DNAH1: variants seen among roughly 807,000 people sequenced by gnomAD.
DNAH1 encodes dynein axonemal heavy chain 1.
In DNAH1, 327 loss-of-function variants were observed where a neutral mutation model predicts 484.3. The ratio of observed to expected loss-of-function variants is 0.68; its 90% confidence interval spans 0.62 to 0.74. DNAH1 has a LOEUF of 0.74. Among genes scored for constraint, DNAH1 ranks in the 30% least tolerant of loss-of-function variants. The probability of loss-of-function intolerance (pLI) is 0.00; values close to 1 mark genes in which losing one functional copy is unlikely to be tolerated. For missense variants in DNAH1, 5,052 were observed against 5,546.8 expected, an observed-to-expected ratio of 0.91 and a Z score of 2.83; for synonymous variants, 2,192 against 2,191.9, an observed-to-expected ratio of 1.00 and a Z score of 0.00.
chr3:52,331,677 T>G (rs1163601281), intron 7 of DNAH1, among the ~76,000 whole-genome samples: 1 of 144,356 alleles, frequency 6.9e-6, no homozygotes, highest in African/African-American at 2.6e-5. Flanking sequence ...CAGGCTGGAG[T>G]GCAGTGGTGC....
intron 6 of DNAH1, among the ~76,000 whole-genome samples, chr3:52,328,283 A>T (rs1013311987): frequency 2.6e-5 from 4 of 152,194 alleles, no homozygotes; most frequent in African/African-American, 4.8e-5. Context: ...AAATATGTAC[A>T]TGCTCATTGG....
Position 52,392,703 on chromosome 3 carries a change from T to C in DNAH1, c.10278+14T>C. On this transcript the variant is annotated intron_variant, in intron 64 of 77. Coordinates refer to ENST00000420323, the MANE Select transcript of DNAH1 (RefSeq NM_015512.5). ...GCTGAGATCCAGGTCAGCTGCTGCC[T>C]GCCCACCCACCTGCCCCGGGAGTGC... is the stretch of plus-strand genomic sequence containing the variant. 6.3e-7 allele frequency: 1 copy of C among 1,585,134 alleles called. No individual in the cohort carries two copies. The highest frequency in any genetic ancestry group is 8.6e-7 in the Non-Finnish European group (1 of 1,165,870).
intron 12 of DNAH1, among the ~76,000 whole-genome samples, chr3:52,348,543 G>C (rs374052516): frequency 2.0e-5 from 3 of 152,144 alleles, no homozygotes; most frequent in African/African-American, 7.2e-5. Context: ...CCTTCTTGTC[G>C]CCTTTGCTGG....
intron 74 of DNAH1, 49 bp downstream of exon 74, chr3:52,397,926 C>T (rs1282023365): frequency 6.3e-7 from 1 of 1,575,534 alleles, no homozygotes; most frequent in East Asian, 2.2e-5. Flanking sequence ...GGCTGGGCTT[C>T]ACCATCCTGC....
intron 1 of DNAH1, among the ~76,000 whole-genome samples, 188 bp downstream of exon 1, chr3:52,316,733 A>G: frequency 6.6e-6 from 1 of 152,188 alleles, no homozygotes; most frequent in Non-Finnish European, 1.5e-5. Flanking sequence ...GGTCCAGTTC[A>G]GTTCCAGACA....
chr3:52,351,801 G>A (rs1046843320), intron 16 of DNAH1, among the ~76,000 whole-genome samples, 161 bp from the exon 17 acceptor site: 14 of 152,174 alleles, frequency 9.2e-5, no homozygotes, highest in Admixed American at 8.5e-4. Flanking sequence ...CCTGTACTTC[G>A]CAGCTGTCTG....
At chr3:52,374,751 A>G in intron 44 of DNAH1, 2 of 1,180,806 alleles carry the variant, frequency 1.7e-6, no homozygotes, top group South Asian at 1.2e-5. Flanking sequence ...GAATCTGTTC[A>G]TAGAGATGGA....
intron 43 of DNAH1, 98 bp from the exon 44 acceptor site, chr3:52,372,798 A>T: frequency 6.7e-7 from 1 of 1,489,300 alleles, no homozygotes; most frequent in East Asian, 2.3e-5. Flanking sequence ...AAAATTTAGC[A>T]AGGGCTTCCC....
Position 52,344,660 on chromosome 3 carries a change from G to T in DNAH1, c.1444+13G>T. 1 of 1,608,886 alleles carries T rather than the reference G, an allele frequency of 6.2e-7. No homozygotes were observed. Among genetic ancestry groups the T allele is most frequent in the Non-Finnish European group, 8.5e-7 (1 of 1,178,496 alleles). Reference sequence around the variant, plus strand: ...GTGCCTGAGCGAGGTGAGGGTCACTGGACCAAGATGGGCTCCATGGCCATC... The same window carrying T: ...GTGCCTGAGCGAGGTGAGGGTCACTTGACCAAGATGGGCTCCATGGCCATC... On this transcript the variant is annotated intron_variant, in intron 9 of 77. Coordinates refer to ENST00000420323, the MANE Select transcript of DNAH1 (RefSeq NM_015512.5).
At position 52,388,284 on chromosome 3, in the gene DNAH1, C is replaced by A; in HGVS notation, c.9121C>A (p.Arg3041Ser). The A allele has an allele frequency of 6.2e-7, 1 of 1,601,156 alleles. No homozygotes were observed. Among genetic ancestry groups the A allele is most frequent in the Non-Finnish European group, 8.5e-7 (1 of 1,174,046 alleles). ...KACTSICQWVRAMHKYHFVAK... is the reference protein window; with the variant it reads ...KACTSICQWVSAMHKYHFVAK... ...TTGCACCTCCATCTGCCAGTGGGTG[C>A]GCGCCATGCACAAGTACCACTTTGT... The change falls in exon 57 of 78, where the codon CGC (arginine) becomes AGC (serine). Residue 3041 changes from arginine to serine, a missense_variant. Arg to Ser is a moderately radical substitution (Grantham distance 110). Transcript: ENST00000420323.
rs769643492 is a variant in DNAH1 at position 52,383,415 on chromosome 3, C to T, written c.7971C>T (p.Ile2657=). The change falls in exon 51 of 78, where the codon ATC becomes ATT. Residue 2657 remains isoleucine, a synonymous_variant. Coordinates refer to ENST00000420323, the MANE Select transcript of DNAH1 (RefSeq NM_015512.5). ...QIKNESFLED[I]NNVLNSGDIP... Reference sequence around the variant, plus strand: ...AGAACGAATCCTTCCTGGAAGATATCAACAACGTCCTAAACTCTGGTGACA... The same window carrying T: ...AGAACGAATCCTTCCTGGAAGATATTAACAACGTCCTAAACTCTGGTGACA... 6.2e-7 allele frequency: 1 copy of T among 1,613,948 alleles called. No individual in the cohort carries two copies. The highest frequency in any genetic ancestry group is 8.5e-7 in the Non-Finnish European group (1 of 1,179,866).
chr3:52,356,789 T>C lies in DNAH1; in HGVS notation c.3858+11T>C. The C allele has an allele frequency of 6.3e-7, 1 of 1,591,640 alleles. No individual in the cohort carries two copies. Among genetic ancestry groups the C allele is most frequent in the Non-Finnish European group, 8.6e-7 (1 of 1,168,784 alleles). The stretch of plus-strand genomic sequence containing the variant: ...TACGAGAACCGGGAGGCAAGCTCAA[T>C]GAGGGTGGGAGGGGCAGCTGGGATC... On this transcript the variant is annotated intron_variant, in intron 22 of 77. Coordinates refer to ENST00000420323, the MANE Select transcript of DNAH1 (RefSeq NM_015512.5).
At chr3:52,382,232 G>A in intron 49 of DNAH1, 88 bp from the exon 50 acceptor site, 1 of 1,600,900 alleles carries the variant, frequency 6.2e-7, no homozygotes, top group Non-Finnish European at 8.5e-7. Context: ...AGAATTCCAG[G>A]TGGTCAGGGT....
intron 52 of DNAH1, 71 bp from the exon 53 acceptor site, chr3:52,384,715 G>T (rs1704018694): frequency 2.1e-6 from 3 of 1,457,014 alleles, no homozygotes; most frequent in African/African-American, 2.9e-5. Flanking sequence ...GGTTGCAGTG[G>T]CTGTGGGCAC....
chr3:52,368,806 G>A lies in DNAH1; in HGVS notation c.5831G>A (p.Trp1944Ter). ...GAITSDTNKKWYMFDGPVDAI... is the reference protein window; with the variant it reads ...GAITSDTNKK ...ATCACCTCCGACACCAACAAGAAGT[G>A]GTACATGTTCGATGGGCCGGTGGAT... Residue 1944 changes from tryptophan to a stop codon, truncating the protein, a stop_gained, in exon 37 of 78, where the codon TGG becomes TAG. Transcript: ENST00000420323. LOFTEE classifies it high-confidence loss of function. The surrounding 1 kb of genome is among the most constrained non-coding windows in gnomAD (Gnocchi z 4.4). 1.2e-6 allele frequency: 2 copies of A among 1,613,984 alleles called. No homozygotes were observed. Among genetic ancestry groups the A allele is most frequent in the Non-Finnish European group, 1.7e-6 (2 of 1,179,892 alleles).
At chr3:52,348,068 C>A in intron 12 of DNAH1, 94 bp downstream of exon 12, 1 of 1,317,470 alleles carries the variant, frequency 7.6e-7, no homozygotes, top group South Asian at 1.5e-5. Context: ...TCAACTGTAT[C>A]ACAGGCCTCC....
At chr3:52,350,295 G>T (rs897209393) in intron 15 of DNAH1, among the ~76,000 whole-genome samples, 187 bp downstream of exon 15, 16 of 152,224 alleles carry the variant, frequency 1.1e-4, no homozygotes, top group African/African-American at 3.9e-4. Context: ...CTGGGGGTAG[G>T]GGGGAGCTGG....
chr3:52,361,089 C>A lies in DNAH1; in HGVS notation c.4686-75C>A. 1 of 1,346,320 alleles carries A rather than the reference C, an allele frequency of 7.4e-7. No individual in the cohort carries two copies. Among genetic ancestry groups the A allele is most frequent in the African/African-American group, 1.5e-5 (1 of 66,870 alleles). 83.4% of individuals were successfully genotyped at this position (1,346,320 alleles called of 1,614,324 possible). On this transcript the variant is annotated intron_variant, in intron 28 of 77. Transcript: ENST00000420323. The surrounding 1 kb of genome is among the most constrained non-coding windows in gnomAD (Gnocchi z 5.6). ...AGGGGACGGGGCGAGAGGCCCCAGT[C>A]CACAGGAAATTCCAAGGAAAGGGGG...
At chr3:52,399,286 A>G (rs1262585836) in intron 76 of DNAH1, 85 bp downstream of exon 76, 1 of 1,382,982 alleles carries the variant, frequency 7.2e-7, no homozygotes, top group African/African-American at 1.4e-5. Context: ...GTTGGTTGGC[A>G]GTTGGGGGAC....
Sources: allele counts gnomAD v4.1 joint callset (sites outside exome capture counted in the v4.1 genomes callset), GRCh38; gene constraint gnomAD v4.1.1; non-coding constraint Gnocchi (gnomAD v3.1); transcripts MANE v1.5; gene names NCBI Gene and HGNC (gene_info 2026-07-23, HGNC 2026-07-21).